The following NXPE2 variants were observed in gnomAD, a reference collection of about 807,000 sequenced individuals.
NXPE2 encodes NXPE family member 2.
Under a neutral mutation model 34.4 loss-of-function variants are expected in NXPE2, and 34 were observed. The observed-to-expected ratio is 0.99, with a 90% confidence interval of 0.75 to 1.31. NXPE2 has a LOEUF of 1.31. NXPE2 is among the 40% of genes most tolerant of loss of function. The pLI is 0.00. For synonymous variants in NXPE2, 235 were observed against 231.3 expected (o/e 1.02, Z -0.15); for missense variants, 649 against 672.5 (o/e 0.97, Z 0.39).
chr11:114,628,486 C>T, the NXPE2 span, among the ~76,000 whole-genome samples: 1 of 151,924 alleles, frequency 6.6e-6, no homozygotes, highest in Non-Finnish European at 1.5e-5. Context: ...AACAAAGACA[C>T]AACGTACCAG....
chr11:114,751,674 AC>A, the NXPE2 span, among the ~76,000 whole-genome samples: 2 of 151,672 alleles, frequency 1.3e-5, no homozygotes, highest in Non-Finnish European at 2.9e-5. Context: ...CTGAATAATG[AC>A]CCCCCAAAAT....
chr11:114,750,165 A>T, the NXPE2 span, among the ~76,000 whole-genome samples: 1 of 152,138 alleles, frequency 6.6e-6, no homozygotes, highest in South Asian at 2.1e-4. Flanking sequence ...TGCTCTGCCT[A>T]CCTAAAGGTG....
upstream of NXPE2, among the ~76,000 whole-genome samples, chr11:114,677,415 T>C (rs1037220257): frequency 6.6e-5 from 10 of 152,072 alleles, no homozygotes; most frequent in Non-Finnish European, 5.9e-5. Context: ...ATTTGCGAAC[T>C]GTACCTCAAT....
the NXPE2 span, among the ~76,000 whole-genome samples, chr11:114,630,663 A>G: frequency 7.9e-5 from 12 of 150,998 alleles, no homozygotes; most frequent in South Asian, 2.1e-4. Context: ...AAAAGCCAAA[A>G]TTGACAAATG....
the NXPE2 span, among the ~76,000 whole-genome samples, chr11:114,510,203 GA>G: frequency 2.7e-4 from 41 of 152,210 alleles, no homozygotes; most frequent in Non-Finnish European, 5.4e-4. Context: ...AGATATGCAA[GA>G]AGTAAAAATA....
the NXPE2 span, among the ~76,000 whole-genome samples, chr11:114,649,645 T>C: frequency 4.0e-3 from 606 of 152,198 alleles, 5 homozygotes; most frequent in Non-Finnish European, 6.1e-3. Flanking sequence ...CCCTATGAAA[T>C]ATAAAGTAGG....
the NXPE2 span, among the ~76,000 whole-genome samples, chr11:114,801,458 T>C: frequency 6.6e-6 from 1 of 151,916 alleles, no homozygotes; most frequent in African/African-American, 2.4e-5. Context: ...GATCATAGAG[T>C]CTTGTAGACC....
intron 2 of NXPE2, among the ~76,000 whole-genome samples, chr11:114,687,488 C>A (rs1951069885): frequency 6.6e-6 from 1 of 151,908 alleles, no homozygotes; most frequent in African/African-American, 2.4e-5. Context: ...GTTTTTGTAC[C>A]AGTACTGTGG....
chr11:114,790,369 A>G, the NXPE2 span, among the ~76,000 whole-genome samples: 3 of 152,198 alleles, frequency 2.0e-5, no homozygotes, highest in Admixed American at 2.0e-4. Flanking sequence ...GACGCACACT[A>G]TACTCATAAT....
At chr11:114,648,516 C>T in the NXPE2 span, among the ~76,000 whole-genome samples, 14,006 of 152,168 alleles carry the variant, frequency 0.092, 768 homozygotes, top group Middle Eastern at 0.2. Flanking sequence ...CTAATTTAAA[C>T]GTTAATCTAC....
chr11:114,702,224 T>G (rs186073519), intron 3 of NXPE2, among the ~76,000 whole-genome samples: 146 of 152,352 alleles, frequency 9.6e-4, no homozygotes, highest in African/African-American at 3.3e-3. Flanking sequence ...TAATTAATTA[T>G]AGACCCCTTT....
the NXPE2 span, among the ~76,000 whole-genome samples, chr11:114,788,407 A>G: frequency 6.6e-6 from 1 of 152,208 alleles, no homozygotes; most frequent in African/African-American, 2.4e-5. Context: ...CTGCTGGAGG[A>G]AGGGCACACG....
At chr11:114,524,267 G>C in the NXPE2 span, among the ~76,000 whole-genome samples, 2 of 92,770 alleles carry the variant, frequency 2.2e-5, no homozygotes, top group Non-Finnish European at 3.9e-5. Flanking sequence ...CATGGGTCTA[G>C]CCACAACTGG....
chr11:114,725,890 A>C, the NXPE2 span, among the ~76,000 whole-genome samples: 3 of 150,792 alleles, frequency 2.0e-5, no homozygotes, highest in African/African-American at 7.3e-5. Flanking sequence ...GTTCTCCTAG[A>C]GAGTGGCTAT....
At chr11:114,494,161 T>G in the NXPE2 span, among the ~76,000 whole-genome samples, 1 of 152,178 alleles carries the variant, frequency 6.6e-6, no homozygotes, top group Non-Finnish European at 1.5e-5. Context: ...GTTTGATTAT[T>G]AAATGCGTTG....
the NXPE2 span, among the ~76,000 whole-genome samples, chr11:114,632,732 T>C: frequency 9.1e-5 from 6 of 66,004 alleles, 1 homozygote; most frequent in Non-Finnish European, 1.3e-4. Flanking sequence ...TAATATATAA[T>C]ATATATAAAA....
At chr11:114,666,518 G>A in the NXPE2 span, among the ~76,000 whole-genome samples, 1 of 152,088 alleles carries the variant, frequency 6.6e-6, no homozygotes, top group Non-Finnish European at 1.5e-5. Flanking sequence ...CAAAGAAAAG[G>A]TAATTCTCTT....
the NXPE2 span, chr11:114,530,659 G>T: frequency 1.2e-6 from 2 of 1,614,182 alleles, no homozygotes. Context: ...ATGTCCAGCT[G>T]GTCTCCCCTG....
downstream of NXPE2, among the ~76,000 whole-genome samples, chr11:114,707,190 C>A (rs1245192036): frequency 6.6e-6 from 1 of 152,138 alleles, no homozygotes; most frequent in African/African-American, 2.4e-5. Context: ...CTCCAAGGTT[C>A]AAGTGATTCT....
Sources: gnomAD v4.1 joint callset for allele counts (sites outside exome capture counted in the v4.1 genomes callset) on GRCh38, gnomAD v4.1.1 for gene constraint, MANE v1.5 for transcripts, NCBI Gene and HGNC (gene_info 2026-07-23, HGNC 2026-07-21) for gene names.